FAM13A: variants seen among roughly 807,000 people sequenced by gnomAD.
FAM13A encodes the protein protein FAM13A.
Under a neutral mutation model 129.6 loss-of-function variants are expected in FAM13A, and 76 were observed. The ratio of observed to expected loss-of-function variants is 0.59; its 90% CI spans 0.49 to 0.71. FAM13A has a LOEUF of 0.71. FAM13A is among the 30% of genes least tolerant of loss of function. The pLI is 0.00. For missense variants in FAM13A, 1,108 were observed against 1,249.3 expected (o/e 0.89, Z 1.70); for synonymous variants, 443 against 449.9 (o/e 0.98, Z 0.20).
intron 14 of FAM13A, 86 bp from the exon 15 acceptor site, chr4:88,750,723 C>T (rs764953757): frequency 8.0e-5 from 81 of 1,013,990 alleles, no homozygotes; most frequent in Non-Finnish European, 1.1e-4. Flanking sequence ...CCAGGCTTCC[C>T]AGATGCTTTA....
rs140923551 is a variant in FAM13A at position 88,834,371 on chromosome 4, G to A, written c.1007+16649C>T. Among the ~76,000 whole-genome samples the A allele has an allele frequency of 2.7e-3, 416 of 152,122 alleles. 1 individual carries two copies. Among genetic ancestry groups the A allele is most frequent in the African/African-American group, 9.4e-3 (390 of 41,506 alleles). Reference sequence around the variant, plus strand: ...TCATTGAATTTTGGTGAGGAAATATGTAAGTGGAAAAAATAAAATTTCAAA... The same window carrying A: ...TCATTGAATTTTGGTGAGGAAATATATAAGTGGAAAAAATAAAATTTCAAA... On this transcript the variant is annotated intron_variant, in intron 7 of 23. Coordinates refer to ENST00000264344, the MANE Select transcript of FAM13A (RefSeq NM_014883.4).
At chr4:88,923,181 T>C (rs1751433011) in intron 5 of FAM13A, among the ~76,000 whole-genome samples, 1 of 152,022 alleles carries the variant, frequency 6.6e-6, no homozygotes, top group African/African-American at 2.4e-5. Context: ...AAAGAGGGAA[T>C]CCTCCCTAAC....
rs763740694 is a variant in FAM13A at position 88,851,171 on chromosome 4, T to C, written c.856A>G (p.Arg286Gly). The change falls in exon 7 of 24, where the codon AGG (arginine) becomes GGG (glycine). Residue 286 changes from arginine (R) to glycine (G), a missense_variant. Transcript: ENST00000264344. ...PPPKTKIPKS[R>G]SEGSIQAHRV... Reference sequence around the variant, plus strand: ...TGGGCCTGAATAGATCCCTCACTCCTGGATTTTGGGATCTAGAAGAAAAAA... The same window carrying C: ...TGGGCCTGAATAGATCCCTCACTCCCGGATTTTGGGATCTAGAAGAAAAAA... 6 of 1,589,722 alleles carry C rather than the reference T, an allele frequency of 3.8e-6. No homozygotes were observed. The highest frequency in any genetic ancestry group is 5.1e-6 in the Non-Finnish European group (6 of 1,165,330).
intron 3 of FAM13A, among the ~76,000 whole-genome samples, chr4:89,008,046 C>T (rs996172274): frequency 7.3e-6 from 1 of 137,508 alleles, no homozygotes; most frequent in Non-Finnish European, 1.6e-5. Flanking sequence ...CTTCTAAATT[C>T]ACTAGACATT....
chr4:88,839,571 T>C (rs1735445014), intron 7 of FAM13A, among the ~76,000 whole-genome samples: 1 of 152,182 alleles, frequency 6.6e-6, no homozygotes, highest in African/African-American at 2.4e-5. Context: ...GTGGACTTGT[T>C]CAACTGGCAG....
intron 1 of FAM13A, among the ~76,000 whole-genome samples, chr4:89,035,452 G>A (rs541867828): frequency 6.8e-5 from 10 of 147,848 alleles, no homozygotes; most frequent in African/African-American, 2.3e-4. Flanking sequence ...ACAACAAAAA[G>A]GAAAGAAAGA....
At chr4:88,866,049 T>C (rs1740378044) in intron 6 of FAM13A, among the ~76,000 whole-genome samples, 1 of 151,704 alleles carries the variant, frequency 6.6e-6, no homozygotes, top group Non-Finnish European at 1.5e-5. Context: ...TTTTTGTATA[T>C]ATATATACAT....
chr4:88,756,934 C>T (rs895877680), intron 14 of FAM13A, among the ~76,000 whole-genome samples: 17 of 151,698 alleles, frequency 1.1e-4, no homozygotes, highest in Admixed American at 6.6e-4. Context: ...CAATGACAAA[C>T]GCAGTAATGG....
At chr4:88,846,570 T>A (rs574015386) in intron 7 of FAM13A, among the ~76,000 whole-genome samples, 3 of 152,384 alleles carry the variant, frequency 2.0e-5, no homozygotes, top group South Asian at 4.1e-4. Flanking sequence ...ATTGGCTTAA[T>A]AACAATGGCT....
At chr4:88,874,932 C>A (rs888600908) in intron 6 of FAM13A, among the ~76,000 whole-genome samples, 1 of 152,054 alleles carries the variant, frequency 6.6e-6, no homozygotes, top group African/African-American at 2.4e-5. Flanking sequence ...GGTACTGGTA[C>A]CAAAACAGAG....
chr4:88,894,777 C>T (rs1746004270), intron 6 of FAM13A, among the ~76,000 whole-genome samples: 1 of 152,218 alleles, frequency 6.6e-6, no homozygotes, highest in South Asian at 2.1e-4. Context: ...CCACCTCAGC[C>T]TCCTATAGTG....
In FAM13A at chr4:88,801,134, G is replaced by C. The variant is rs1342671423; in HGVS notation, c.1049+3877C>G. On this transcript the variant is annotated intron_variant, in intron 8 of 23. Coordinates refer to ENST00000264344, the MANE Select transcript of FAM13A (RefSeq NM_014883.4). ...AAATTACCTAAAAATGCTTTAGAAA[G>C]AAGTTTTCTACATATCAGGAATAGC... Among the ~76,000 whole-genome samples, 3 of 152,060 alleles carry C rather than the reference G, an allele frequency of 2.0e-5. No homozygotes were observed. In the East Asian group the frequency reaches 5.8e-4, roughly 29 times the overall value.
chr4:88,840,512 G>A (rs1021425484), intron 7 of FAM13A, among the ~76,000 whole-genome samples: 1 of 151,576 alleles, frequency 6.6e-6, no homozygotes, highest in African/African-American at 2.4e-5. Flanking sequence ...GCCCTTGAGC[G>A]AGAGGGGATG....
rs886827573 is a variant in FAM13A at position 88,876,834 on chromosome 4, A to G, written c.844-25651T>C. Among the ~76,000 whole-genome samples the G allele has an allele frequency of 5.9e-5, 9 of 151,692 alleles. No individual in the cohort carries two copies. The South Asian group carries it at 8.3e-4, about 14-fold the overall frequency. ...TCTCGATTTCCTGACCTCGTGATCC[A>G]CCCGCCTCAGCCTCCCAAAGTGCTG... On this transcript the variant is annotated intron_variant, in intron 6 of 23. Coordinates refer to ENST00000264344, the MANE Select transcript of FAM13A (RefSeq NM_014883.4).
Position 88,737,453 on chromosome 4 carries a change from T to C in FAM13A, c.2646+19A>G. On this transcript the variant is annotated intron_variant, in intron 21 of 23. Transcript: ENST00000264344. ...AACTGGTGCGGATTTAGCAATGGGT[T>C]AGCAGCTGGGGTCTTCACCTTTATC... 6.2e-7 allele frequency: 1 copy of C among 1,609,362 alleles called. No homozygotes were observed. The highest frequency in any genetic ancestry group is 8.5e-7 in the Non-Finnish European group (1 of 1,175,880).
chr4:88,943,054 G>T (rs1755053631), intron 4 of FAM13A, among the ~76,000 whole-genome samples: 1 of 152,078 alleles, frequency 6.6e-6, no homozygotes. Flanking sequence ...AAGAGTTAAG[G>T]TTTTCTACAA....
At chr4:88,964,636 T>C (rs925028473) in intron 4 of FAM13A, among the ~76,000 whole-genome samples, 2 of 149,818 alleles carry the variant, frequency 1.3e-5, no homozygotes, top group Non-Finnish European at 3.0e-5. Flanking sequence ...CTCTGCTCTT[T>C]TTTTTTTTTT....
intron 6 of FAM13A, among the ~76,000 whole-genome samples, chr4:88,866,069 T>C (rs963376563): frequency 1.3e-5 from 2 of 151,524 alleles, no homozygotes; most frequent in Non-Finnish European, 2.9e-5. Flanking sequence ...TTTTTTGAGA[T>C]GGAATCTTGC....
intron 5 of FAM13A, among the ~76,000 whole-genome samples, chr4:88,922,491 C>A (rs1189137864): frequency 6.6e-6 from 1 of 152,024 alleles, no homozygotes; most frequent in Non-Finnish European, 1.5e-5. Flanking sequence ...TAAAGATGTT[C>A]TTTGAAACCA....
Sources: gnomAD v4.1 joint callset for allele counts (sites outside exome capture counted in the v4.1 genomes callset) on GRCh38, gnomAD v4.1.1 for gene constraint, MANE v1.5 for transcripts, NCBI Gene and HGNC (gene_info 2026-07-23, HGNC 2026-07-21) for gene names.